The following SRCAP variants were observed in gnomAD, a reference collection of about 807,000 sequenced individuals.
SRCAP encodes Snf2 related CREBBP activator protein.
In SRCAP, 46 loss-of-function variants were observed where a neutral mutation model predicts 263.1. That is an observed-to-expected ratio of 0.17 (90% CI 0.14 to 0.22). SRCAP has a LOEUF of 0.22. Ranked by LOEUF, SRCAP falls within the 10% of genes least tolerant of loss-of-function variation. The pLI, the probability that SRCAP is intolerant of heterozygous loss-of-function variation, is 1.00. For synonymous variants in SRCAP, 1,813 were observed against 1,662.1 expected (o/e 1.09, Z -2.21); for missense variants, 3,695 against 4,181.9 (o/e 0.88, Z 3.21).
rs1005355824 is a variant in SRCAP, at chr16:30,720,745, G to A, written c.3020G>A (p.Arg1007Gln). The change falls in exon 20 of 34, where the codon CGG (arginine) becomes CAG (glutamine). Residue 1007 changes from arginine (R) to glutamine (Q), a missense_variant. Transcript: ENST00000262518. The stretch of plus-strand genomic sequence containing the variant: ...CAGCCAGTACCTAAGCAAGAAGGCC[G>A]GACAGTGGTGGTGGTGAACAACCCA... ...MLQPVPKQEG[R>Q]TVVVVNNPRA... The A allele has an allele frequency of 1.6e-5, 25 of 1,611,690 alleles. No individual in the cohort carries two copies. The highest frequency in any genetic ancestry group is 5.0e-5 in the Admixed American group (3 of 59,684).
chr16:30,724,241 T>C lies in SRCAP; in HGVS notation c.4817T>C (p.Leu1606Pro), dbSNP rs2053040434. Residue 1606 changes from leucine (L) to proline (P), a missense_variant, in exon 25 of 34, where the codon CTG (leucine) becomes CCG (proline). By Grantham distance (98) the Leu-to-Pro change is moderately conservative (BLOSUM62 -3). Coordinates refer to ENST00000262518, the MANE Select transcript of SRCAP (RefSeq NM_006662.3). The part of the protein sequence containing the change: ...AILAPSPAPP[L>P]APLPVLAPSP... ...CTGGCTCCTTCTCCAGCTCCTCCTC[T>C]GGCTCCTCTTCCGGTCCTGGCACCA... 2 of 1,613,962 alleles carry C rather than the reference T, an allele frequency of 1.2e-6. No individual in the cohort carries two copies. The highest frequency in any genetic ancestry group is 3.3e-5 in the Admixed American group (2 of 59,986).
rs148079550 is a variant in SRCAP at position 30,707,267 on chromosome 16, C to G, written c.391C>G (p.Pro131Ala). Residue 131 changes from proline to alanine, a missense_variant, in exon 5 of 34, where the codon CCT becomes GCT. Coordinates refer to ENST00000262518, the MANE Select transcript of SRCAP (RefSeq NM_006662.3). ...GAGGCTGCCTAAGGTGCCAGAGCCC[C>G]CTCGCCCCAAAGGTCACTGGGACTA... ...LKRLPKVPEP[P>A]RPKGHWDYLC... The G allele has an allele frequency of 8.4e-5, 136 of 1,614,156 alleles. 2 individuals are homozygous for G. The East Asian group carries it at 3.0e-3, about 36-fold the overall frequency.
At chr16:30,717,717 A>G (rs1198946848) in intron 18 of SRCAP, among the ~76,000 whole-genome samples, 10 of 146,782 alleles carry the variant, frequency 6.8e-5, no homozygotes, top group African/African-American at 1.5e-4. Flanking sequence ...AGTTCAAGCA[A>G]TTTTCCACAG....
In SRCAP at chr16:30,736,261, A is replaced by T. The variant is rs754386440; in HGVS notation, c.6791A>T (p.Gln2264Leu). The part of the protein sequence containing the change: ...IRAATQAKAE[Q>L]VAELAEFNEN... ...GCAGCCACCCAGGCCAAGGCTGAAC[A>T]GGTGGCTGAGCTTGCAGAATTTAAT... The change falls in exon 32 of 34, where the codon CAG (glutamine) becomes CTG (leucine). Residue 2264 changes from glutamine to leucine, a missense_variant. Gln to Leu is a moderately radical substitution (Grantham distance 113). Transcript: ENST00000262518. 9 of 1,614,222 alleles carry T rather than the reference A, an allele frequency of 5.6e-6. No homozygotes were observed. Among genetic ancestry groups the T allele is most frequent in the Non-Finnish European group, 7.6e-6 (9 of 1,180,048 alleles).
intron 25 of SRCAP, chr16:30,726,334 A>G (rs936648157): frequency 6.6e-6 from 1 of 152,176 alleles, no homozygotes; most frequent in African/African-American, 2.4e-5. Flanking sequence ...TTTCATGTAC[A>G]AGTTTTTGTA....
chr16:30,739,858 CCTT>C lies in SRCAP; in HGVS notation c.*130_*132del, dbSNP rs1467684677. 46 of 1,379,382 alleles carry C rather than the reference CCTT, an allele frequency of 3.3e-5. 1 individual carries two copies. The highest frequency in any genetic ancestry group is 3.9e-5 in the Non-Finnish European group (41 of 1,058,552). The allele number at this position is 1,379,382 out of a possible 1,614,324, so 85.4% of individuals were successfully genotyped here. A position where few individuals can be genotyped will look rare whatever the true frequency, so the allele number is the denominator to read the frequency against. On this transcript the variant is annotated 3_prime_UTR_variant, in exon 34 of 34. Transcript: ENST00000262518. ...TCCAGGGAGACATAGGGGCCTTCTC[CCTT>C]CTTCCCACCAAAGTAGGGGGTAGGC...
At chr16:30,704,463 C>T in intron 4 of SRCAP, 148 bp downstream of exon 4, 1 of 924,658 alleles carries the variant, frequency 1.1e-6, no homozygotes, top group Non-Finnish European at 1.6e-6. Context: ...GAGCAAACTG[C>T]TTGAATATTG....
intron 9 of SRCAP, 29 bp downstream of exon 9, chr16:30,710,876 C>T (rs1429477366): frequency 3.1e-6 from 5 of 1,610,328 alleles, no homozygotes; most frequent in Non-Finnish European, 4.2e-6. Flanking sequence ...GTCCTATTGC[C>T]CCTTACCCCT....
chr16:30,721,554 C>T, intron 21 of SRCAP, 78 bp downstream of exon 21: 1 of 1,526,758 alleles, frequency 6.5e-7, no homozygotes, highest in South Asian at 1.2e-5. Context: ...AAATTTTAGG[C>T]AGCTGGGTCA....
Position 30,720,998 on chromosome 16 carries a change from AGGATGAT to A in SRCAP, c.3253+22_3253+28del, listed in dbSNP as rs757541043. On this transcript the variant is annotated intron_variant, in intron 20 of 33. Coordinates refer to ENST00000262518, the MANE Select transcript of SRCAP (RefSeq NM_006662.3). ...CCCAGGGTGAGTTGAAAGGGAGCCA[AGGATGAT>A]GCGTGGTGCTTCAGAAAGGTTGTTC... is the stretch of plus-strand genomic sequence containing the variant. The A allele has an allele frequency of 3.2e-6, 5 of 1,583,988 alleles. No individual in the cohort carries two copies. Among genetic ancestry groups the A allele is most frequent in the East Asian group, 2.2e-5 (1 of 44,688 alleles).
Position 30,704,162 on chromosome 16 carries a change from A to G in SRCAP, c.153A>G (p.Ile51Met). The G allele has an allele frequency of 6.2e-7, 1 of 1,614,116 alleles. No homozygotes were observed. Among genetic ancestry groups the G allele is most frequent in the Non-Finnish European group, 8.5e-7 (1 of 1,180,008 alleles). ...SGAGGISPQH[I>M]AQDSSLDGPP... ...CAGGCGGCATCTCCCCGCAGCACATAGCTCAAGATTCCTCACTGGATGGAC... is the reference window on the plus strand; with the variant it reads ...CAGGCGGCATCTCCCCGCAGCACATGGCTCAAGATTCCTCACTGGATGGAC... Residue 51 changes from isoleucine (I) to methionine (M), a missense_variant, in exon 4 of 34, where the codon ATA becomes ATG. Transcript: ENST00000262518.
In SRCAP at chr16:30,738,960, C is replaced by T. The variant is rs867037721; in HGVS notation, c.8920C>T (p.Pro2974Ser). ...GACACAGCCACCCCCACACCCATCA[C>T]CCCTAACCCCACTCCCACCACTGCT... Reference protein sequence around the residue: ...SRTQPPPHPSPLTPLPPLLVC... With the variant: ...SRTQPPPHPSSLTPLPPLLVC... Residue 2974 changes from proline to serine, a missense_variant, in exon 34 of 34, where the codon CCC becomes TCC. This residue lies in a region of SRCAP where 1,207 missense variants were observed against 1,142.9 expected (regional missense o/e 1.06). Coordinates refer to ENST00000262518, the MANE Select transcript of SRCAP (RefSeq NM_006662.3). 2.5e-6 allele frequency: 4 copies of T among 1,613,624 alleles called. No homozygotes were observed. The Middle Eastern group carries it at 6.6e-4, about 266-fold the overall frequency.
At chr16:30,726,825 C>T (rs1043468108) in intron 25 of SRCAP, among the ~76,000 whole-genome samples, 1 of 152,190 alleles carries the variant, frequency 6.6e-6, no homozygotes, top group Non-Finnish European at 1.5e-5. Flanking sequence ...GTCATCTTCC[C>T]GAGTGGCTGG....
intron 16 of SRCAP, among the ~76,000 whole-genome samples, chr16:30,714,125 C>T (rs1395614276): frequency 2.7e-5 from 4 of 148,042 alleles, no homozygotes; most frequent in Admixed American, 2.0e-4. Context: ...AGTGCAGTGG[C>T]GCGGTCTTGG....
chr16:30,711,676 C>G lies in SRCAP; in HGVS notation c.1424C>G (p.Ser475Cys), dbSNP rs2052893906. The G allele has an allele frequency of 1.2e-6, 2 of 1,614,050 alleles. No homozygotes were observed. The highest frequency in any genetic ancestry group is 1.7e-6 in the Non-Finnish European group (2 of 1,180,002). Reference sequence around the variant, plus strand: ...GAAGATGAGGTTGATGCTAATAGCTCTGACTGTGAACCAGAGGGGCCCGTG... The same window carrying G: ...GAAGATGAGGTTGATGCTAATAGCTGTGACTGTGAACCAGAGGGGCCCGTG... ...EDEDEVDANS[S>C]DCEPEGPVEA... is the part of the protein sequence containing the mutation. Residue 475 changes from serine (S) to cysteine (C), a missense_variant, in exon 11 of 34, where the codon TCT (serine) becomes TGT (cysteine). By Grantham distance (112) the Ser-to-Cys change is moderately radical (BLOSUM62 -1). Around this residue, in one of 12 missense-constraint regions of SRCAP, gnomAD observed 288 missense variants for 302.4 expected, o/e 0.95. Transcript: ENST00000262518.
At chr16:30,721,091 T>C in intron 20 of SRCAP, 98 bp from the exon 21 acceptor site, 1 of 1,534,854 alleles carries the variant, frequency 6.5e-7, no homozygotes, top group Non-Finnish European at 8.8e-7. Context: ...GACACGGGTC[T>C]AGTATTTGAT....
At chr16:30,722,383 C>T in intron 22 of SRCAP, 97 bp downstream of exon 22, 5 of 1,542,606 alleles carry the variant, frequency 3.2e-6, no homozygotes, top group Non-Finnish European at 4.4e-6. Context: ...TGTTTCTTAC[C>T]CAAGCTTTTG....
At position 30,722,761 on chromosome 16, in the gene SRCAP, G is replaced by A; in HGVS notation, c.3892+13G>A. 1 of 1,603,232 alleles carries A rather than the reference G, an allele frequency of 6.2e-7. No individual in the cohort carries two copies. The highest frequency in any genetic ancestry group is 8.5e-7 in the Non-Finnish European group (1 of 1,172,628). ...GCTGCTAACCAGGGTGAGGCTCCTGGCCTTCCTACTTAGCCCTTGCTGGCC... is the reference window on the plus strand; with the variant it reads ...GCTGCTAACCAGGGTGAGGCTCCTGACCTTCCTACTTAGCCCTTGCTGGCC... On this transcript the variant is annotated intron_variant, in intron 23 of 33. Transcript: ENST00000262518.
rs1363308826 is a variant in SRCAP at position 30,738,498 on chromosome 16, C to G, written c.8458C>G (p.Pro2820Ala). 3.1e-6 allele frequency: 5 copies of G among 1,607,534 alleles called. No homozygotes were observed. The East Asian group carries it at 8.9e-5, about 29-fold the overall frequency. The change falls in exon 34 of 34, where the codon CCA (proline) becomes GCA (alanine). Residue 2820 changes from proline (P) to alanine (A), a missense_variant. Pro to Ala is a conservative substitution (Grantham distance 27). Transcript: ENST00000262518. ...EAAPSSSLPT[P>A]PQQPFIARRH... is the part of the protein sequence containing the mutation. ...TGCTCCTTCATCCTCACTGCCCACT[C>G]CACCCCAGCAGCCCTTCATTGCTCG...
Sources: allele counts gnomAD v4.1 joint callset (sites outside exome capture counted in the v4.1 genomes callset), GRCh38; gene constraint gnomAD v4.1.1; regional missense constraint gnomAD v4.1.1; transcripts MANE v1.5; gene names NCBI Gene and HGNC (gene_info 2026-07-23, HGNC 2026-07-21).